The following NHSL2 variants were observed in gnomAD, a reference collection of about 807,000 sequenced individuals.
NHSL2 encodes the protein NHS-like protein 2.
In NHSL2, 27 loss-of-function variants were observed where a neutral mutation model predicts 53.4. The observed-to-expected ratio is 0.51, with a 90% CI of 0.37 to 0.70. NHSL2 has a LOEUF of 0.70. Among genes scored for constraint, NHSL2 ranks in the 30% least tolerant of loss-of-function variants. The pLI, the probability that NHSL2 is intolerant of heterozygous loss-of-function variation, is 0.00. For missense variants in NHSL2, 892 were observed against 980.1 expected (o/e 0.91, Z 1.20); for synonymous variants, 408 against 404.1 (o/e 1.01, Z -0.12).
intron 1 of NHSL2, among the ~76,000 whole-genome samples, chrX:72,022,150 C>A (rs2042163293): frequency 2.7e-5 from 3 of 112,222 alleles, no homozygotes; most frequent in Admixed American, 9.4e-5. Flanking sequence ...CTGCCCTGAG[C>A]CCTTAGAGCC....
Position 72,140,184 on chromosome X carries a change from G to C in NHSL2, c.2636G>C (p.Arg879Pro). ...GTAGCTGAGAAGCCTCCGGTGGCCC[G>C]GAGGCCTCCAAGCTTGGTCCACAAG... ...PPVAEKPPVA[R>P]RPPSLVHKPP... Residue 879 changes from arginine (R) to proline (P), a missense_variant, in exon 6 of 8, where the codon CGG becomes CCG. Coordinates refer to ENST00000633930, the MANE Select transcript of NHSL2 (RefSeq NM_001013627.3). The C allele has an allele frequency of 8.3e-7, 1 of 1,210,369 alleles. No individual in the cohort carries two copies. The highest frequency in any genetic ancestry group is 3.0e-5 in the East Asian group (1 of 33,819).
intron 1 of NHSL2, among the ~76,000 whole-genome samples, chrX:71,958,363 C>G (rs2041852607): frequency 9.0e-6 from 1 of 111,713 alleles, no homozygotes; most frequent in South Asian, 3.8e-4. Context: ...GGTGGCCTTG[C>G]AGACATTTCC....
rs190250422 is a variant in NHSL2 at position 72,008,559 on chromosome X, C to T, written c.280+97192C>T. Among the ~76,000 whole-genome samples, 43 of 111,923 alleles carry T rather than the reference C, an allele frequency of 3.8e-4. No individual in the cohort carries two copies. The East Asian group carries it at 0.012, about 31-fold the overall frequency. On this transcript the variant is annotated intron_variant, in intron 1 of 7. Coordinates refer to ENST00000633930, the MANE Select transcript of NHSL2 (RefSeq NM_001013627.3). Reference sequence around the variant, plus strand: ...TGGAGTCAGGAACAGTCTAGAAACCCTTTGAATTGAACCTTGGCACAGAGT... The same window carrying T: ...TGGAGTCAGGAACAGTCTAGAAACCTTTTGAATTGAACCTTGGCACAGAGT...
chrX:72,048,412 G>A (rs1319890421), intron 1 of NHSL2, among the ~76,000 whole-genome samples: 2 of 110,888 alleles, frequency 1.8e-5, no homozygotes, highest in Non-Finnish European at 3.8e-5. Context: ...AGGGGAAGAT[G>A]CAGATAACTT....
At chrX:71,969,769 G>A (rs1203790621) in intron 1 of NHSL2, among the ~76,000 whole-genome samples, 3 of 111,960 alleles carry the variant, frequency 2.7e-5, no homozygotes, top group Non-Finnish European at 3.8e-5. Context: ...TATGCCTTTT[G>A]TTTCTTTTTC....
chrX:72,108,680 C>T lies in NHSL2; in HGVS notation c.281-23399C>T, dbSNP rs181312694. Among the ~76,000 whole-genome samples the T allele has an allele frequency of 2.4e-4, 27 of 112,484 alleles. No homozygotes were observed. In the East Asian group the frequency reaches 3.1e-3, roughly 13 times the overall value. ...CACATTTCTCCAGTGAGCATCTAGA[C>T]GTGAAATCCCGAGGCCTTGGATGGG... On this transcript the variant is annotated intron_variant, in intron 1 of 7. Coordinates refer to ENST00000633930, the MANE Select transcript of NHSL2 (RefSeq NM_001013627.3).
chrX:72,140,314 G>T lies in NHSL2; in HGVS notation c.2766G>T (p.Thr922=). 1 of 1,210,904 alleles carries T rather than the reference G, an allele frequency of 8.3e-7. No homozygotes were observed. Residue 922 remains threonine, a synonymous_variant, in exon 6 of 8, where the codon ACG becomes ACT. Transcript: ENST00000633930. ...GACCACTCCCTCAAGACAGCTACAC[G>T]GTAGTGCGGAAACCAAAGCCCTCCA... The part of the protein sequence containing the change: ...HARPLPQDSY[T]VVRKPKPSSF...
intron 1 of NHSL2, among the ~76,000 whole-genome samples, chrX:72,120,490 A>C (rs1045552497): frequency 1.8e-5 from 2 of 112,318 alleles, no homozygotes; most frequent in Admixed American, 9.4e-5. Flanking sequence ...ACAGTTGTTC[A>C]TAGTATTCCT....
At chrX:71,980,012 A>T (rs2041967982) in intron 1 of NHSL2, among the ~76,000 whole-genome samples, 1 of 112,151 alleles carries the variant, frequency 8.9e-6, no homozygotes, top group South Asian at 3.7e-4. Flanking sequence ...CATTTATTAA[A>T]TAGGGAATCC....
chrX:71,914,677 G>T (rs1376977385), intron 1 of NHSL2, among the ~76,000 whole-genome samples: 1 of 112,294 alleles, frequency 8.9e-6, no homozygotes, highest in African/African-American at 3.2e-5. Flanking sequence ...AGAAAGGACA[G>T]CTGGTTTATT....
chrX:72,017,942 C>A (rs1221844590), intron 1 of NHSL2, among the ~76,000 whole-genome samples: 3 of 110,784 alleles, frequency 2.7e-5, no homozygotes, highest in Non-Finnish European at 3.8e-5. Context: ...CCCTGCTGAG[C>A]CTGCTGGGGT....
intron 1 of NHSL2, among the ~76,000 whole-genome samples, chrX:71,916,832 T>C (rs1485630569): frequency 8.9e-6 from 1 of 112,813 alleles, no homozygotes; most frequent in Non-Finnish European, 1.9e-5. Flanking sequence ...TTAAACACTA[T>C]AATGTTATCT....
At chrX:72,126,970 T>C (rs1018794276) in intron 1 of NHSL2, 6 of 112,002 alleles carry the variant, frequency 5.4e-5, no homozygotes, top group African/African-American at 1.6e-4. Context: ...ACAGGTCCCT[T>C]GAGCCTCACC....
intron 1 of NHSL2, among the ~76,000 whole-genome samples, chrX:72,004,422 G>A (rs1274295489): frequency 1.8e-5 from 2 of 111,910 alleles, no homozygotes; most frequent in Non-Finnish European, 1.9e-5. Flanking sequence ...GCCCAAGTTT[G>A]GCTGTGGCTG....
At chrX:72,009,281 A>G (rs1000286684) in intron 1 of NHSL2, among the ~76,000 whole-genome samples, 2 of 112,381 alleles carry the variant, frequency 1.8e-5, no homozygotes, top group African/African-American at 6.5e-5. Context: ...GTGACCCTGA[A>G]CAGAGAGAGT....
chrX:71,951,040 A>ACACACAC (rs35096488), intron 1 of NHSL2, among the ~76,000 whole-genome samples: 10 of 109,960 alleles, frequency 9.1e-5, no homozygotes, highest in African/African-American at 3.0e-4. Flanking sequence ...ACACACACAC[A>ACACACAC]AATACCTGGC....
chrX:71,921,858 C>T (rs73634892), intron 1 of NHSL2, among the ~76,000 whole-genome samples: 7,836 of 112,145 alleles, frequency 0.07, 299 homozygotes, highest in East Asian at 0.29. Flanking sequence ...TCTGTGCTTT[C>T]CCGTGTTCTC....
At chrX:72,102,355 C>T (rs1487594909) in intron 1 of NHSL2, among the ~76,000 whole-genome samples, 2 of 111,980 alleles carry the variant, frequency 1.8e-5, no homozygotes, top group Non-Finnish European at 3.8e-5. Flanking sequence ...GCTGAATCAT[C>T]CTACCTCGAG....
chrX:71,999,064 A>G (rs1269994002), intron 1 of NHSL2, among the ~76,000 whole-genome samples: 1 of 112,362 alleles, frequency 8.9e-6, no homozygotes, highest in Non-Finnish European at 1.9e-5. Flanking sequence ...TTACATGAGA[A>G]GCCTCCCTCA....
Sources: allele counts gnomAD v4.1 joint callset (sites outside exome capture counted in the v4.1 genomes callset), GRCh38; gene constraint gnomAD v4.1.1; transcripts MANE v1.5; gene names NCBI Gene and HGNC (gene_info 2026-07-23, HGNC 2026-07-21).